EXOC4: variants seen among roughly 807,000 people sequenced by gnomAD.
EXOC4 encodes the protein exocyst complex component 4.
Under a neutral mutation model 107.2 loss-of-function variants are expected in EXOC4, and 71 were observed. That is an observed-to-expected ratio of 0.66 (90% CI 0.55 to 0.81). The LOEUF (loss-of-function observed/expected upper bound fraction) is 0.81. Ranked by LOEUF, EXOC4 falls within the 30% of genes least tolerant of loss-of-function variation. EXOC4 has a pLI of 0.00. For synonymous variants in EXOC4, 456 were observed against 441.2 expected (o/e 1.03, Z -0.42); for missense variants, 1,108 against 1,189.6 (o/e 0.93, Z 1.01).
intron 12 of EXOC4, among the ~76,000 whole-genome samples, chr7:133,906,641 T>C (rs1205596359): frequency 6.6e-6 from 1 of 152,348 alleles, no homozygotes; most frequent in East Asian, 1.9e-4. Context: ...AACTGCATTC[T>C]TCTGCTCTGT....
intron 9 of EXOC4, among the ~76,000 whole-genome samples, chr7:133,558,215 TC>T (rs1800737334): frequency 3.5e-5 from 5 of 141,900 alleles, no homozygotes; most frequent in African/African-American, 1.5e-4. Context: ...TCTTTTCTTT[TC>T]TTTTCTTTTC....
At chr7:133,282,933 CGT>C (rs750829907) in intron 2 of EXOC4, among the ~76,000 whole-genome samples, 4 of 152,200 alleles carry the variant, frequency 2.6e-5, no homozygotes, top group Non-Finnish European at 5.9e-5. Context: ...CTTCTCAACC[CGT>C]CCTCTCACCC....
chr7:133,760,413 A>G (rs1312005974), intron 10 of EXOC4, among the ~76,000 whole-genome samples: 2 of 152,154 alleles, frequency 1.3e-5, no homozygotes, highest in Non-Finnish European at 2.9e-5. Flanking sequence ...CAGAATGTCA[A>G]TTCTTAGAGT....
chr7:133,528,138 A>C (rs1313110045), intron 9 of EXOC4, among the ~76,000 whole-genome samples: 1 of 152,182 alleles, frequency 6.6e-6, no homozygotes, highest in Non-Finnish European at 1.5e-5. Flanking sequence ...TCACCTGATA[A>C]TCTTTGGCTT....
At chr7:133,651,930 T>C (rs747994932) in intron 10 of EXOC4, among the ~76,000 whole-genome samples, 3 of 152,202 alleles carry the variant, frequency 2.0e-5, no homozygotes, top group Non-Finnish European at 4.4e-5. Flanking sequence ...TCTGCCTGCC[T>C]CAGCCTCCCA....
chr7:133,947,009 C>A (rs1418660789), intron 14 of EXOC4, among the ~76,000 whole-genome samples: 1 of 152,196 alleles, frequency 6.6e-6, no homozygotes, highest in Non-Finnish European at 1.5e-5. Context: ...ACATATAGCA[C>A]ATATTTGACT....
chr7:133,309,395 A>G (rs1247854205), intron 4 of EXOC4, among the ~76,000 whole-genome samples: 2 of 152,176 alleles, frequency 1.3e-5, no homozygotes, highest in African/African-American at 4.8e-5. Flanking sequence ...CCAAGGGGAC[A>G]TTGATATGCA....
intron 11 of EXOC4, among the ~76,000 whole-genome samples, chr7:133,880,668 C>A (rs945758414): frequency 8.5e-5 from 13 of 152,054 alleles, no homozygotes; most frequent in Non-Finnish European, 1.8e-4. Context: ...CCCTTTCCTG[C>A]TGTTATGTTT....
Position 134,007,748 on chromosome 7 carries a change from T to C in EXOC4, c.2600T>C (p.Ile867Thr). The change falls in exon 17 of 18, where the codon ATC becomes ACC. Residue 867 changes from isoleucine (I) to threonine (T), a missense_variant. By Grantham distance (89) the Ile-to-Thr change is moderately conservative. Transcript: ENST00000253861. ...QYFRRISESG[I>T]KKMCRNIFVL... is the part of the protein sequence containing the mutation. ...TTCAGGCGCATCAGTGAGTCTGGCA[T>C]CAAGAAAATGTGTAGGAACATTTTT... 6.2e-7 allele frequency: 1 copy of C among 1,613,634 alleles called. No homozygotes were observed. The highest frequency in any genetic ancestry group is 8.5e-7 in the Non-Finnish European group (1 of 1,179,758).
chr7:134,060,121 T>C (rs185463341), intron 17 of EXOC4, among the ~76,000 whole-genome samples: 36 of 152,210 alleles, frequency 2.4e-4, no homozygotes, highest in Admixed American at 2.4e-3. Flanking sequence ...GCATAAACAT[T>C]GTTATGTTCT....
At chr7:133,973,952 A>G (rs1793762348) in intron 14 of EXOC4, among the ~76,000 whole-genome samples, 2 of 152,202 alleles carry the variant, frequency 1.3e-5, no homozygotes, top group Admixed American at 1.3e-4. Context: ...TGAAAAGGCA[A>G]GAGAAAAAGG....
At chr7:133,458,819 A>C (rs1320167933) in intron 7 of EXOC4, among the ~76,000 whole-genome samples, 1 of 152,246 alleles carries the variant, frequency 6.6e-6, no homozygotes, top group East Asian at 1.9e-4. Flanking sequence ...TGCATGTTTA[A>C]TTAAGATGTT....
chr7:133,369,757 A>G (rs958476984), intron 6 of EXOC4, among the ~76,000 whole-genome samples: 1 of 149,626 alleles, frequency 6.7e-6, no homozygotes, highest in Non-Finnish European at 1.5e-5. Context: ...TAAACTTAAC[A>G]TATCCAGATA....
At chr7:133,800,907 A>G (rs966289416) in intron 10 of EXOC4, among the ~76,000 whole-genome samples, 1 of 152,228 alleles carries the variant, frequency 6.6e-6, no homozygotes, top group African/African-American at 2.4e-5. Context: ...GTTTTAACTT[A>G]CATAAATTAT....
intron 9 of EXOC4, among the ~76,000 whole-genome samples, chr7:133,552,615 A>G (rs1164820526): frequency 2.0e-5 from 3 of 152,008 alleles, no homozygotes; most frequent in Middle Eastern, 3.2e-3. Context: ...TGTTTGCTGA[A>G]ACTCAGTAGT....
intron 11 of EXOC4, among the ~76,000 whole-genome samples, chr7:133,818,971 G>A (rs905833641): frequency 6.6e-6 from 1 of 152,092 alleles, no homozygotes; most frequent in African/African-American, 2.4e-5. Flanking sequence ...TAGAAGATTG[G>A]AAAGTGGGAG....
intron 13 of EXOC4, among the ~76,000 whole-genome samples, chr7:133,923,193 A>G (rs923234688): frequency 6.7e-6 from 1 of 149,708 alleles, no homozygotes; most frequent in African/African-American, 2.5e-5. Flanking sequence ...TAGTGGTGCA[A>G]TCTCAGCCCA....
intron 14 of EXOC4, among the ~76,000 whole-genome samples, chr7:133,990,036 A>G (rs1794214402): frequency 6.6e-6 from 1 of 152,190 alleles, no homozygotes; most frequent in Non-Finnish European, 1.5e-5. Flanking sequence ...TTGGGGGTAC[A>G]TGTGATATTT....
chr7:133,786,235 A>G (rs1054984597), intron 10 of EXOC4, among the ~76,000 whole-genome samples: 9 of 152,208 alleles, frequency 5.9e-5, no homozygotes, highest in South Asian at 2.1e-4. Flanking sequence ...GTCGTCTGCA[A>G]ATCTTCTCTC....
Sources: gnomAD v4.1 joint callset for allele counts (sites outside exome capture counted in the v4.1 genomes callset) on GRCh38, gnomAD v4.1.1 for gene constraint, MANE v1.5 for transcripts, NCBI Gene and HGNC (gene_info 2026-07-23, HGNC 2026-07-21) for gene names.